The following CTDSPL2 variants were observed in gnomAD, a reference collection of about 807,000 sequenced individuals.
CTDSPL2 encodes the protein CTD small phosphatase-like protein 2.
A neutral mutation model predicts 60.0 loss-of-function variants in CTDSPL2; 5 were observed. The observed-to-expected ratio is 0.08, with a 90% confidence interval of 0.04 to 0.18. The LOEUF (loss-of-function observed/expected upper bound fraction) is 0.18, where lower values mean the gene tolerates loss of function less well. Ranked by LOEUF, CTDSPL2 falls within the 10% of genes least tolerant of loss-of-function variation. CTDSPL2 has a pLI of 1.00. For missense variants in CTDSPL2, 370 were observed against 548.8 expected, an observed-to-expected ratio of 0.67 and a Z score of 3.26; for synonymous variants, 186 against 189.3, an observed-to-expected ratio of 0.98 and a Z score of 0.14.
Position 44,484,407 on chromosome 15 carries a change from A to T in CTDSPL2, c.325+45A>T, listed in dbSNP as rs375618863. 225 of 1,535,672 alleles carry T rather than the reference A, an allele frequency of 1.5e-4. No homozygotes were observed. The Middle Eastern group carries it at 2.2e-3, about 15-fold the overall frequency. On this transcript the variant is annotated intron_variant, in intron 3 of 12. Transcript: ENST00000260327. ...CTGTTTTATTTAGGTGTAAGCAGAG[A>T]TCTCACCTGACACATTTCTTATCTA... is the stretch of plus-strand genomic sequence containing the variant.
intron 1 of CTDSPL2, chr15:44,449,045 A>G: frequency 3.1e-6 from 1 of 322,862 alleles, no homozygotes; most frequent in Admixed American, 4.0e-5. Context: ...TGTAATCCTG[A>G]TTTGCTACAA....
At position 44,459,112 on chromosome 15, in the gene CTDSPL2, G is replaced by A; in HGVS notation, c.98G>A (p.Ser33Asn). 4 of 1,613,310 alleles carry A rather than the reference G, an allele frequency of 2.5e-6. No individual in the cohort carries two copies. The highest frequency in any genetic ancestry group is 3.4e-6 in the Non-Finnish European group (4 of 1,179,588). Residue 33 changes from serine (S) to asparagine (N), a missense_variant, in exon 2 of 13, where the codon AGC becomes AAC. Transcript: ENST00000260327. ...AGGAAATATTCAGAGGTTGATGATA[G>A]CCTGCCTTCAGGAGGAGAAAAACCA... ...AKRKYSEVDDSLPSGGEKPSK... is the reference protein window; with the variant it reads ...AKRKYSEVDDNLPSGGEKPSK...
intron 2 of CTDSPL2, among the ~76,000 whole-genome samples, chr15:44,479,879 T>G (rs978410249): frequency 6.6e-6 from 1 of 152,240 alleles, no homozygotes; most frequent in Non-Finnish European, 1.5e-5. Context: ...CTCATTTTTA[T>G]GTGAAATTAG....
rs1268491316 is a variant in CTDSPL2, at chr15:44,528,203, G to A, written c.*4029G>A. ...ATACTAGTTTATGCTTTTGATATTA[G>A]TATTTTAAGATACATCAGTTGATCC... On this transcript the variant is annotated 3_prime_UTR_variant, in exon 13 of 13. Coordinates refer to ENST00000260327, the MANE Select transcript of CTDSPL2 (RefSeq NM_016396.3). 1 of 152,108 alleles carries A rather than the reference G, an allele frequency of 6.6e-6. No homozygotes were observed. Among genetic ancestry groups the A allele is most frequent in the South Asian group, 2.1e-4 (1 of 4,816 alleles). 9.4% of individuals were successfully genotyped at this position (152,108 alleles called of 1,614,324 possible). A position where few individuals can be genotyped will look rare whatever the true frequency, so the allele number is the denominator to read the frequency against.
At chr15:44,462,700 C>CTTTTTTTTT (rs554319789) in intron 2 of CTDSPL2, among the ~76,000 whole-genome samples, 4 of 83,746 alleles carry the variant, frequency 4.8e-5, no homozygotes, top group African/African-American at 5.9e-5. Flanking sequence ...ACACTCAGGA[C>CTTTTTTTTT]TTTTTTTTTT....
At chr15:44,432,877 C>G (rs2079889522) in intron 1 of CTDSPL2, among the ~76,000 whole-genome samples, 1 of 151,798 alleles carries the variant, frequency 6.6e-6, no homozygotes, top group South Asian at 2.1e-4. Context: ...CTGCCTCGGT[C>G]TCCCAAAGTG....
chr15:44,432,911 C>G (rs748340167), intron 1 of CTDSPL2, among the ~76,000 whole-genome samples: 4 of 151,840 alleles, frequency 2.6e-5, no homozygotes, highest in African/African-American at 9.7e-5. Flanking sequence ...TGTGAGCCAC[C>G]GCACCTGGCC....
At chr15:44,482,448 G>T (rs902287191) in intron 2 of CTDSPL2, among the ~76,000 whole-genome samples, 1 of 152,192 alleles carries the variant, frequency 6.6e-6, no homozygotes, top group East Asian at 1.9e-4. Context: ...TTTCATGAAT[G>T]TATGTATGTA....
chr15:44,477,610 G>A (rs1486083538), intron 2 of CTDSPL2, among the ~76,000 whole-genome samples: 1 of 152,050 alleles, frequency 6.6e-6, no homozygotes, highest in African/African-American at 2.4e-5. Context: ...GCCAAGGTGG[G>A]CAGATCACCT....
chr15:44,467,761 G>C (rs2140728503), intron 2 of CTDSPL2, among the ~76,000 whole-genome samples: 1 of 152,184 alleles, frequency 6.6e-6, no homozygotes, highest in South Asian at 2.1e-4. Context: ...TTTTAGTAGA[G>C]ATGGGGTTTC....
At chr15:44,452,481 T>C (rs747514092) in intron 1 of CTDSPL2, among the ~76,000 whole-genome samples, 3 of 152,160 alleles carry the variant, frequency 2.0e-5, no homozygotes, top group Non-Finnish European at 4.4e-5. Context: ...AACAGCCTTA[T>C]TGTGAATAAG....
At chr15:44,437,444 C>T (rs2080000457) in intron 1 of CTDSPL2, among the ~76,000 whole-genome samples, 2 of 152,170 alleles carry the variant, frequency 1.3e-5, no homozygotes, top group Admixed American at 1.3e-4. Flanking sequence ...AATTTGAAAC[C>T]ATAATTGTCT....
chr15:44,522,721 C>G (rs978413695), intron 12 of CTDSPL2, among the ~76,000 whole-genome samples: 1 of 152,108 alleles, frequency 6.6e-6, no homozygotes, highest in Admixed American at 6.6e-5. Flanking sequence ...CCACTGCACT[C>G]CAGCCTGGGC....
chr15:44,466,532 A>G (rs990077126), intron 2 of CTDSPL2, among the ~76,000 whole-genome samples: 21 of 152,142 alleles, frequency 1.4e-4, no homozygotes, highest in African/African-American at 3.9e-4. Context: ...CTAATTGGCA[A>G]TTTTGTCATC....
intron 11 of CTDSPL2, 70 bp from the exon 12 acceptor site, chr15:44,521,240 AT>A: frequency 1.3e-6 from 1 of 742,728 alleles, no homozygotes; most frequent in Non-Finnish European, 2.2e-6. Context: ...ATCTTTGTTT[AT>A]TTTTTAACTT....
intron 1 of CTDSPL2, among the ~76,000 whole-genome samples, chr15:44,447,196 G>C (rs1309871424): frequency 6.6e-6 from 1 of 152,208 alleles, no homozygotes; most frequent in Admixed American, 6.5e-5. Flanking sequence ...AGAAGGTTAA[G>C]TGAAATAACA....
At chr15:44,505,215 T>C (rs1485044799) in intron 8 of CTDSPL2, among the ~76,000 whole-genome samples, 1 of 152,018 alleles carries the variant, frequency 6.6e-6, no homozygotes, top group African/African-American at 2.4e-5. Context: ...GTGGATGGCT[T>C]GAGCTCAGGA....
rs1171273435 is a variant in CTDSPL2 at position 44,490,758 on chromosome 15, G to A, written c.476-26G>A. On this transcript the variant is annotated intron_variant, in intron 4 of 12. Transcript: ENST00000260327. ...CTAAATAGGTGCATTTTTAAATGATGATAGTACACTGAATCATGATTTCAG... is the reference window on the plus strand; with the variant it reads ...CTAAATAGGTGCATTTTTAAATGATAATAGTACACTGAATCATGATTTCAG... 8 of 1,573,954 alleles carry A rather than the reference G, an allele frequency of 5.1e-6. No individual in the cohort carries two copies. The South Asian group carries it at 8.9e-5, about 17-fold the overall frequency.
chr15:44,471,788 C>T (rs1189574977), intron 2 of CTDSPL2, among the ~76,000 whole-genome samples: 1 of 152,000 alleles, frequency 6.6e-6, no homozygotes, highest in Non-Finnish European at 1.5e-5. Context: ...CCTCTCTAGC[C>T]CTAAGCAGTC....
Sources: gnomAD v4.1 joint callset for allele counts (sites outside exome capture counted in the v4.1 genomes callset) on GRCh38, gnomAD v4.1.1 for gene constraint, MANE v1.5 for transcripts, NCBI Gene and HGNC (gene_info 2026-07-23, HGNC 2026-07-21) for gene names.